Variants in NUDT3 observed in about 807,000 individuals in gnomAD.
The protein encoded by NUDT3 is diphosphoinositol polyphosphate phosphohydrolase 1.
NUDT3 carries 9 observed loss-of-function variants against 23.6 expected under a neutral mutation model. That is an observed-to-expected ratio of 0.38 (90% CI 0.23 to 0.66). The LOEUF is 0.66. NUDT3 is among the 30% of genes least tolerant of loss of function. NUDT3 has a pLI of 0.52. For missense variants in NUDT3, 172 were observed against 218.5 expected (o/e 0.79, Z 1.34); for synonymous variants, 86 against 82.6 (o/e 1.04, Z -0.22).
rs1763322418 is a variant in NUDT3 at position 34,285,413 on chromosome 6, A to T, written c.*3340T>A. ...AATGACTGTAATTTATAAACTAAAA[A>T]TTTTTACAAATCCACTGCTATCTTC... On this transcript the variant is annotated 3_prime_UTR_variant, in exon 5 of 5. Coordinates refer to ENST00000607016, the MANE Select transcript of NUDT3 (RefSeq NM_006703.4). 2 of 152,146 alleles carry T rather than the reference A, an allele frequency of 1.3e-5. No individual in the cohort carries two copies. Among genetic ancestry groups the T allele is most frequent in the East Asian group, 3.8e-4 (2 of 5,196 alleles). 9.4% of individuals were successfully genotyped at this position (152,146 alleles called of 1,614,324 possible).
At chr6:34,299,084 A>G (rs1288994654) in intron 2 of NUDT3, among the ~76,000 whole-genome samples, 1 of 152,122 alleles carries the variant, frequency 6.6e-6, no homozygotes. Flanking sequence ...TTTTTTCTCA[A>G]ATGCTGCCAC....
At chr6:34,349,887 G>A (rs969488714) in intron 1 of NUDT3, among the ~76,000 whole-genome samples, 3 of 150,394 alleles carry the variant, frequency 2.0e-5, no homozygotes, top group African/African-American at 5.0e-5. Context: ...TCAGGAGATC[G>A]AGACCATCCT....
chr6:34,342,856 T>C (rs1212163980), intron 1 of NUDT3, among the ~76,000 whole-genome samples: 2 of 152,218 alleles, frequency 1.3e-5, no homozygotes, highest in Non-Finnish European at 2.9e-5. Flanking sequence ...TGCTACTTCC[T>C]TCTCTGGCCC....
intron 1 of NUDT3, among the ~76,000 whole-genome samples, chr6:34,391,856 C>G (rs921309126): frequency 1.3e-5 from 2 of 152,020 alleles, no homozygotes; most frequent in Non-Finnish European, 1.5e-5. Context: ...GCCCGCGCCT[C>G]GTGCACGCCG....
At chr6:34,327,983 T>C (rs550307252) in intron 2 of NUDT3, among the ~76,000 whole-genome samples, 83 of 152,330 alleles carry the variant, frequency 5.4e-4, no homozygotes, top group African/African-American at 1.8e-3. Context: ...ATATTAGTAA[T>C]ACAACAAAGA....
intron 1 of NUDT3, among the ~76,000 whole-genome samples, chr6:34,352,882 T>C (rs1764498905): frequency 6.6e-6 from 1 of 152,206 alleles, no homozygotes; most frequent in Non-Finnish European, 1.5e-5. Flanking sequence ...AGTTTTAAAA[T>C]GAGATGGTCC....
chr6:34,354,630 G>T (rs1764531255), intron 1 of NUDT3, among the ~76,000 whole-genome samples: 1 of 151,360 alleles, frequency 6.6e-6, no homozygotes, highest in Non-Finnish European at 1.5e-5. Context: ...GGTTGAGGCA[G>T]GAGAATTTCT....
intron 2 of NUDT3, among the ~76,000 whole-genome samples, chr6:34,317,897 AC>A (rs1763885905): frequency 1.3e-5 from 2 of 152,126 alleles, no homozygotes; most frequent in African/African-American, 4.8e-5. Flanking sequence ...CTGGAAACAT[AC>A]TCAGCTATCT....
intron 2 of NUDT3, among the ~76,000 whole-genome samples, chr6:34,301,946 A>G (rs1181621589): frequency 1.3e-5 from 2 of 152,204 alleles, no homozygotes; most frequent in Non-Finnish European, 2.9e-5. Flanking sequence ...TTCAGTGAAC[A>G]TTCAGATTTC....
intron 1 of NUDT3, among the ~76,000 whole-genome samples, chr6:34,371,260 A>C (rs577331601): frequency 6.6e-6 from 1 of 152,088 alleles, no homozygotes; most frequent in East Asian, 1.9e-4. Flanking sequence ...CAAGAGGTCA[A>C]GAGATCGAGA....
intron 2 of NUDT3, among the ~76,000 whole-genome samples, chr6:34,299,978 G>A (rs886201340): frequency 2.0e-5 from 3 of 151,854 alleles, no homozygotes; most frequent in South Asian, 4.2e-4. Flanking sequence ...TGATATCCTG[G>A]TCTCAAGCAA....
intron 1 of NUDT3, among the ~76,000 whole-genome samples, chr6:34,371,565 T>C (rs990171636): frequency 6.6e-6 from 1 of 152,206 alleles, no homozygotes; most frequent in Non-Finnish European, 1.5e-5. Flanking sequence ...ACTAAATTGT[T>C]ATTGATTCCT....
chr6:34,299,279 C>A (rs75550250), intron 2 of NUDT3, among the ~76,000 whole-genome samples: 2 of 152,090 alleles, frequency 1.3e-5, no homozygotes, highest in Admixed American at 6.6e-5. Flanking sequence ...CAAAATTATA[C>A]GAAAGCAGTT....
At chr6:34,327,086 AG>A (rs1172529947) in intron 2 of NUDT3, among the ~76,000 whole-genome samples, 1 of 152,014 alleles carries the variant, frequency 6.6e-6, no homozygotes, top group Non-Finnish European at 1.5e-5. Flanking sequence ...ATACAAAACA[AG>A]GGGGCAGGGT....
At chr6:34,361,948 G>C (rs139341242) in intron 1 of NUDT3, among the ~76,000 whole-genome samples, 157 of 152,278 alleles carry the variant, frequency 1.0e-3, no homozygotes, top group Admixed American at 1.8e-3. Flanking sequence ...CAATCCATAG[G>C]AAGTACACCA....
intron 1 of NUDT3, among the ~76,000 whole-genome samples, chr6:34,365,715 C>T (rs867309025): frequency 1.3e-5 from 2 of 152,096 alleles, no homozygotes; most frequent in South Asian, 2.1e-4. Flanking sequence ...GAGTTCGAGA[C>T]GAGTCTGGGT....
chr6:34,349,547 T>A (rs755155403), intron 1 of NUDT3, among the ~76,000 whole-genome samples: 4 of 150,008 alleles, frequency 2.7e-5, no homozygotes, highest in Admixed American at 1.3e-4. Flanking sequence ...GGGACTGGAG[T>A]TAAGAGGGAA....
chr6:34,342,735 A>C (rs919363063), intron 1 of NUDT3, among the ~76,000 whole-genome samples: 1 of 152,184 alleles, frequency 6.6e-6, no homozygotes. Context: ...AGTTGGCATT[A>C]TTTCCAAAAC....
intron 2 of NUDT3, among the ~76,000 whole-genome samples, chr6:34,339,400 G>A (rs1429336429): frequency 6.6e-6 from 1 of 152,216 alleles, no homozygotes; most frequent in Non-Finnish European, 1.5e-5. Flanking sequence ...TCCATCAGGA[G>A]AAATTCTCAG....
Sources: gnomAD v4.1 joint callset for allele counts (sites outside exome capture counted in the v4.1 genomes callset) on GRCh38, gnomAD v4.1.1 for gene constraint, MANE v1.5 for transcripts, NCBI Gene and HGNC (gene_info 2026-07-23, HGNC 2026-07-21) for gene names.